The following NRG1 variants were observed in gnomAD, a reference collection of about 807,000 sequenced individuals.
NRG1 encodes the protein pro-neuregulin-1, membrane-bound isoform.
NRG1 carries 18 observed loss-of-function variants against 63.8 expected under a neutral mutation model. The ratio of observed to expected loss-of-function variants is 0.28; its 90% CI spans 0.19 to 0.42. The LOEUF (loss-of-function observed/expected upper bound fraction) is 0.42, where lower values mean the gene tolerates loss of function less well. Ranked by LOEUF, NRG1 falls within the 10% of genes least tolerant of loss-of-function variation. The probability of loss-of-function intolerance (pLI) is 1.00; values close to 1 mark genes in which losing one functional copy is unlikely to be tolerated. For synonymous variants in NRG1, 302 were observed against 301.3 expected (o/e 1.00, Z -0.02); for missense variants, 762 against 814.7 (o/e 0.94, Z 0.79).
intron 1 of NRG1, among the ~76,000 whole-genome samples, chr8:32,482,990 T>TAA (rs1825494018): frequency 6.6e-6 from 1 of 152,228 alleles, no homozygotes; most frequent in Non-Finnish European, 1.5e-5. Context: ...GACAGGGCGT[T>TAA]AGACAGCATG....
intron 1 of NRG1, among the ~76,000 whole-genome samples, chr8:32,072,369 A>G (rs778360397): frequency 6.6e-6 from 1 of 152,088 alleles, no homozygotes; most frequent in Non-Finnish European, 1.5e-5. Flanking sequence ...CTGGGGAAAT[A>G]AAGTTATAAA....
At chr8:32,170,479 G>A (rs771565601) in intron 1 of NRG1, among the ~76,000 whole-genome samples, 4 of 152,200 alleles carry the variant, frequency 2.6e-5, no homozygotes, top group Admixed American at 6.5e-5. Flanking sequence ...GCCTCTGGTT[G>A]TGCAGATGAA....
At position 31,856,408 on chromosome 8, in the gene NRG1, C is replaced by G. The variant is rs571226227; in HGVS notation, c.37+216977C>G. Reference sequence around the variant, plus strand: ...CCTTTCTTCCAGTTGATTGCATTGGCTCTTGAGGCTTCTGCATTCTTCACG... The same window carrying G: ...CCTTTCTTCCAGTTGATTGCATTGGGTCTTGAGGCTTCTGCATTCTTCACG... On this transcript the variant is annotated intron_variant, in intron 1 of 10. Coordinates refer to the NRG1 transcript ENST00000519301. Among the ~76,000 whole-genome samples the G allele has an allele frequency of 6.6e-5, 10 of 152,304 alleles. No individual in the cohort carries two copies. In the East Asian group the frequency reaches 1.9e-3, roughly 29 times the overall value.
chr8:32,085,719 C>A (rs985527184), intron 1 of NRG1, among the ~76,000 whole-genome samples: 3 of 152,208 alleles, frequency 2.0e-5, no homozygotes, highest in Non-Finnish European at 4.4e-5. Flanking sequence ...ATAATTTAAA[C>A]TCATACCTCA....
intron 1 of NRG1, among the ~76,000 whole-genome samples, chr8:32,554,636 G>A (rs1439960824): frequency 6.6e-6 from 1 of 152,062 alleles, no homozygotes; most frequent in African/African-American, 2.4e-5. Context: ...TTTAAAATTA[G>A]GAAACAAAAT....
intron 1 of NRG1, among the ~76,000 whole-genome samples, chr8:31,990,376 AAG>A (rs1323102964): frequency 1.3e-5 from 2 of 152,068 alleles, no homozygotes; most frequent in East Asian, 3.9e-4. Context: ...TAGTACATGG[AAG>A]AGAGAGTTTT....
At chr8:32,585,918 C>G (rs1189313612) in intron 1 of NRG1, among the ~76,000 whole-genome samples, 1 of 152,056 alleles carries the variant, frequency 6.6e-6, no homozygotes. Flanking sequence ...GTCAAACTTC[C>G]TGGGTTCAGA....
chr8:32,216,444 ATATAT>A (rs1192171106), intron 1 of NRG1, among the ~76,000 whole-genome samples: 8 of 148,682 alleles, frequency 5.4e-5, no homozygotes, highest in Middle Eastern at 3.6e-3. Context: ...TTAGATATTA[ATATAT>A]TACATTACAA....
At chr8:32,412,437 T>TATATAC (rs1815171405) in intron 1 of NRG1, among the ~76,000 whole-genome samples, 52 of 33,840 alleles carry the variant, frequency 1.5e-3, no homozygotes, top group African/African-American at 3.2e-3. Context: ...TATATATATA[T>TATATAC]ATATATATAT....
chr8:32,214,259 A>C (rs11994488), intron 1 of NRG1, among the ~76,000 whole-genome samples: 2,245 of 152,094 alleles, frequency 0.015, 26 homozygotes, highest in South Asian at 0.058. Context: ...AAAGTGGCGT[A>C]TTTTGGGGTG....
intron 1 of NRG1, among the ~76,000 whole-genome samples, chr8:32,068,812 C>G (rs1193433342): frequency 6.6e-6 from 1 of 152,098 alleles, no homozygotes; most frequent in African/African-American, 2.4e-5. Context: ...ACTCTGACAC[C>G]GTTAGCTACG....
chr8:31,658,460 C>T (rs1362343826), intron 1 of NRG1, among the ~76,000 whole-genome samples: 1 of 151,942 alleles, frequency 6.6e-6, no homozygotes, highest in African/African-American at 2.4e-5. Context: ...GTGGTAAGTG[C>T]CTTCTTTCTT....
chr8:32,617,218 A>C (rs940554532), intron 5 of NRG1, among the ~76,000 whole-genome samples: 2 of 152,190 alleles, frequency 1.3e-5, no homozygotes, highest in Non-Finnish European at 1.5e-5. Flanking sequence ...GTGTCTTTTC[A>C]GCTTCTCTGG....
chr8:31,695,652 G>A (rs1809986767), intron 1 of NRG1, among the ~76,000 whole-genome samples: 2 of 152,168 alleles, frequency 1.3e-5, no homozygotes, highest in South Asian at 4.1e-4. Flanking sequence ...CCATATTACT[G>A]AGGAACAACT....
intron 1 of NRG1, among the ~76,000 whole-genome samples, chr8:32,520,851 A>G (rs559143780): frequency 6.6e-6 from 1 of 152,296 alleles, no homozygotes; most frequent in African/African-American, 2.4e-5. Context: ...TGGGGACATG[A>G]ATCCTCTCTT....
intron 1 of NRG1, among the ~76,000 whole-genome samples, chr8:32,034,080 G>C (rs1250212514): frequency 6.6e-6 from 1 of 152,168 alleles, no homozygotes; most frequent in East Asian, 1.9e-4. Context: ...GATATTGGCT[G>C]TAGGTTTGTT....
chr8:31,863,312 C>T (rs1158292518), intron 1 of NRG1, among the ~76,000 whole-genome samples: 1 of 152,086 alleles, frequency 6.6e-6, no homozygotes, highest in East Asian at 1.9e-4. Context: ...CTACAGTGTC[C>T]ATCTATTAAA....
intron 1 of NRG1, among the ~76,000 whole-genome samples, chr8:32,094,115 A>G (rs184240592): frequency 1.6e-4 from 25 of 152,342 alleles, no homozygotes; most frequent in African/African-American, 6.0e-4. Flanking sequence ...CCAGGAATAA[A>G]CAGTGAAAGA....
At chr8:31,801,201 C>G (rs1189201389) in intron 1 of NRG1, among the ~76,000 whole-genome samples, 1 of 152,036 alleles carries the variant, frequency 6.6e-6, no homozygotes, top group Non-Finnish European at 1.5e-5. Context: ...AGATTGGAAT[C>G]ATACTGTGCA....
Sources: allele counts gnomAD v4.1 joint callset (sites outside exome capture counted in the v4.1 genomes callset), GRCh38; gene constraint gnomAD v4.1.1; transcripts MANE v1.5; gene names NCBI Gene and HGNC (gene_info 2026-07-23, HGNC 2026-07-21).